Variants in PREX1 observed in about 807,000 individuals in gnomAD.
PREX1 encodes phosphatidylinositol-3,4,5-trisphosphate dependent Rac exchange factor 1, also known as phosphatidylinositol 3,4,5-trisphosphate-dependent Rac exchanger 1 protein.
PREX1 carries 41 observed loss-of-function variants against 198.3 expected under a neutral mutation model. The observed-to-expected ratio is 0.21, with a 90% CI of 0.16 to 0.27. The LOEUF is 0.27. Among genes scored for constraint, PREX1 ranks in the 10% least tolerant of loss-of-function variants. The probability of loss-of-function intolerance (pLI) is 1.00; values close to 1 mark genes in which losing one functional copy is unlikely to be tolerated. For missense variants in PREX1, 1,620 were observed against 2,200.7 expected (o/e 0.74, Z 5.28); for synonymous variants, 843 against 887.2 (o/e 0.95, Z 0.89).
chr20:48,734,682 AG>A, intron 3 of PREX1, 32 bp from the exon 4 acceptor site: 1 of 1,597,184 alleles, frequency 6.3e-7, no homozygotes, highest in Non-Finnish European at 8.6e-7. Flanking sequence ...TGTGGGAGGC[AG>A]GTCATGGTAG....
intron 4 of PREX1, among the ~76,000 whole-genome samples, chr20:48,733,515 G>T (rs2090043615): frequency 6.6e-6 from 1 of 152,182 alleles, no homozygotes; most frequent in Non-Finnish European, 1.5e-5. Context: ...TATAAGTCTG[G>T]AGCTGCTGGA....
At chr20:48,766,066 A>G (rs954662516) in intron 1 of PREX1, among the ~76,000 whole-genome samples, 5 of 152,194 alleles carry the variant, frequency 3.3e-5, no homozygotes, top group Non-Finnish European at 5.9e-5. Context: ...CATCACCCCC[A>G]GATGGGACTG....
intron 5 of PREX1, among the ~76,000 whole-genome samples, chr20:48,723,963 G>T (rs1303645720): frequency 6.6e-6 from 1 of 152,184 alleles, no homozygotes; most frequent in Non-Finnish European, 1.5e-5. Context: ...GTTCAGCTCT[G>T]GGCCATGGCT....
At chr20:48,688,549 C>T (rs1022536126) in intron 10 of PREX1, 108 bp downstream of exon 10, 8 of 1,430,946 alleles carry the variant, frequency 5.6e-6, no homozygotes, top group South Asian at 1.3e-5. Context: ...TCACTCTGCC[C>T]AGGATGGCTC....
At chr20:48,659,826 C>A (rs189324875) in intron 16 of PREX1, 93 bp downstream of exon 16, 1 of 1,555,330 alleles carries the variant, frequency 6.4e-7, no homozygotes, top group Non-Finnish European at 8.8e-7. Flanking sequence ...CAAGCTGAGC[C>A]CCCTTCCCTG....
At chr20:48,681,632 G>C (rs897730947) in intron 10 of PREX1, among the ~76,000 whole-genome samples, 1 of 152,078 alleles carries the variant, frequency 6.6e-6, no homozygotes, top group African/African-American at 2.4e-5. Flanking sequence ...GAGAGGGAAG[G>C]AGGGAAGGAA....
chr20:48,765,703 C>T (rs2122859047), intron 1 of PREX1, among the ~76,000 whole-genome samples: 1 of 152,292 alleles, frequency 6.6e-6, no homozygotes, highest in Non-Finnish European at 1.5e-5. Context: ...GGCTATACTG[C>T]TTCTTCAGTT....
chr20:48,857,452 C>T, the PREX1 span, among the ~76,000 whole-genome samples: 150 of 152,242 alleles, frequency 9.9e-4, no homozygotes, highest in Non-Finnish European at 6.2e-4. Flanking sequence ...GATGCCATGG[C>T]GGGGGAATCA....
At chr20:48,736,618 G>A (rs2090058186) in intron 3 of PREX1, among the ~76,000 whole-genome samples, 1 of 152,208 alleles carries the variant, frequency 6.6e-6, no homozygotes, top group African/African-American at 2.4e-5. Context: ...GTAGATGTCT[G>A]AGCTGCAGGG....
chr20:48,864,332 A>G, the PREX1 span, among the ~76,000 whole-genome samples: 1 of 152,242 alleles, frequency 6.6e-6, no homozygotes, highest in Non-Finnish European at 1.5e-5. Context: ...ACTGGGAACA[A>G]GAGAGATGTC....
the PREX1 span, among the ~76,000 whole-genome samples, chr20:48,847,054 G>A: frequency 4.6e-5 from 7 of 152,248 alleles, no homozygotes; most frequent in South Asian, 1.2e-3. Flanking sequence ...AGGTTCAGCG[G>A]TGGGTGGAAA....
intron 4 of PREX1, among the ~76,000 whole-genome samples, chr20:48,732,539 A>T (rs2090038982): frequency 6.6e-6 from 1 of 152,222 alleles, no homozygotes; most frequent in Non-Finnish European, 1.5e-5. Flanking sequence ...GAAGGGATTC[A>T]GAGGTGAAAG....
At position 48,651,466 on chromosome 20, in the gene PREX1, G is replaced by A. The variant is rs754708166; in HGVS notation, c.2585C>T (p.Thr862Met). The A allele has an allele frequency of 3.2e-5, 52 of 1,614,026 alleles. No homozygotes were observed. Among genetic ancestry groups the A allele is most frequent in the South Asian group, 1.9e-4 (17 of 91,090 alleles). Residue 862 changes from threonine to methionine, a missense_variant, in exon 22 of 40, where the codon ACG becomes ATG. Physicochemically the swap from Thr to Met is moderately conservative, Grantham distance 81. This residue lies in a region of PREX1 where 514 missense variants were observed against 611.6 expected (regional missense o/e 0.84). Coordinates refer to ENST00000371941, the MANE Select transcript of PREX1 (RefSeq NM_020820.4). ...EHGVVYEYVSTAGVRCHVLEK... is the reference protein window; with the variant it reads ...EHGVVYEYVSMAGVRCHVLEK... ...CAGCACATGGCACCTGACGCCTGCC[G>A]TGCTCACATACTCATACACCACGCC... is the stretch of plus-strand genomic sequence containing the variant.
At chr20:48,639,405 T>A (rs888732592) in intron 30 of PREX1, among the ~76,000 whole-genome samples, 5 of 152,202 alleles carry the variant, frequency 3.3e-5, no homozygotes, top group African/African-American at 1.2e-4. Context: ...CCAGCCGGTG[T>A]CCCTCATACC....
intron 1 of PREX1, among the ~76,000 whole-genome samples, chr20:48,758,502 C>T (rs527820967): frequency 2.4e-4 from 36 of 152,304 alleles, no homozygotes; most frequent in African/African-American, 7.9e-4. Flanking sequence ...TTTGCAGCAC[C>T]GCAGCCACAC....
chr20:48,670,025 A>G (rs1410650186), intron 14 of PREX1, among the ~76,000 whole-genome samples: 3 of 152,170 alleles, frequency 2.0e-5, no homozygotes, highest in Non-Finnish European at 4.4e-5. Context: ...GTTGACCTGG[A>G]GACAATCACT....
chr20:48,744,614 TCAGA>T (rs2090099332), intron 3 of PREX1, among the ~76,000 whole-genome samples: 1 of 152,164 alleles, frequency 6.6e-6, no homozygotes, highest in South Asian at 2.1e-4. Flanking sequence ...CACCCCAGGA[TCAGA>T]CACCCTTACT....
At chr20:48,747,633 A>T (rs2090114970) in intron 2 of PREX1, among the ~76,000 whole-genome samples, 176 bp downstream of exon 2, 2 of 152,222 alleles carry the variant, frequency 1.3e-5, no homozygotes, top group Admixed American at 1.3e-4. Flanking sequence ...TGCTCACAGG[A>T]CAAGAGGCCT....
At chr20:48,882,501 CAAAAAAAAA>C in the PREX1 span, among the ~76,000 whole-genome samples, 6 of 66,852 alleles carry the variant, frequency 9.0e-5, no homozygotes, top group Admixed American at 6.1e-4. Flanking sequence ...GACTCCGTCT[CAAAAAAAAA>C]AAAAAAAAAA....
Sources: allele counts gnomAD v4.1 joint callset (sites outside exome capture counted in the v4.1 genomes callset), GRCh38; gene constraint gnomAD v4.1.1; regional missense constraint gnomAD v4.1.1; transcripts MANE v1.5; gene names NCBI Gene and HGNC (gene_info 2026-07-23, HGNC 2026-07-21).